THSD4: variants seen among roughly 807,000 people sequenced by gnomAD.
THSD4 encodes thrombospondin type 1 domain containing 4.
In THSD4, 69 loss-of-function variants were observed where a neutral mutation model predicts 119.0. The observed-to-expected ratio is 0.58, with a 90% CI of 0.48 to 0.71. The LOEUF is 0.71. THSD4 is among the 30% of genes least tolerant of loss of function. The pLI is 0.00. For synonymous variants in THSD4, 524 were observed against 540.4 expected (o/e 0.97, Z 0.42); for missense variants, 1,393 against 1,391.1 (o/e 1.00, Z -0.02).
At position 71,379,619 on chromosome 15, in the gene THSD4, C is replaced by T. The variant is rs563114699; in HGVS notation, c.1016-32068C>T. On this transcript the variant is annotated intron_variant, in intron 6 of 17. Transcript: ENST00000261862. Reference sequence around the variant, plus strand: ...GACTACAGGTGCCCACCACCATGCCCGGCTAATTTTTTGTATTTTTAGTAG... The same window carrying T: ...GACTACAGGTGCCCACCACCATGCCTGGCTAATTTTTTGTATTTTTAGTAG... Among the ~76,000 whole-genome samples the T allele has an allele frequency of 2.9e-3, 443 of 151,542 alleles. 2 individuals are homozygous for T. Among genetic ancestry groups the T allele is most frequent in the African/African-American group, 0.01 (418 of 41,388 alleles).
chr15:71,247,866 A>G (rs1436743469), intron 5 of THSD4, among the ~76,000 whole-genome samples: 1 of 152,232 alleles, frequency 6.6e-6, no homozygotes, highest in African/African-American at 2.4e-5. Context: ...ATTGAAGCCC[A>G]AGGCTTGATA....
intron 1 of THSD4, among the ~76,000 whole-genome samples, chr15:71,134,405 TAGCGCCTTC>T (rs1213444934): frequency 6.6e-6 from 1 of 152,332 alleles, no homozygotes; most frequent in Non-Finnish European, 1.5e-5. Flanking sequence ...TGCAGTGGCT[TAGCGCCTTC>T]AGCGCCTTCA....
chr15:71,644,773 T>G (rs2050934476), intron 7 of THSD4, among the ~76,000 whole-genome samples: 1 of 152,310 alleles, frequency 6.6e-6, no homozygotes, highest in African/African-American at 2.4e-5. Flanking sequence ...ATCAATCATG[T>G]CACCATTACC....
chr15:71,255,223 TCA>T (rs746920820), intron 5 of THSD4, among the ~76,000 whole-genome samples: 2 of 151,346 alleles, frequency 1.3e-5, no homozygotes, highest in East Asian at 1.9e-4. Context: ...TTCTGATTAT[TCA>T]CACACACACA....
intron 17 of THSD4, among the ~76,000 whole-genome samples, chr15:71,776,789 G>A (rs1330508547): frequency 1.3e-5 from 2 of 152,162 alleles, no homozygotes; most frequent in Middle Eastern, 3.2e-3. Flanking sequence ...TGAAAATATA[G>A]CATTCATCAA....
intron 3 of THSD4, among the ~76,000 whole-genome samples, chr15:71,211,145 T>G (rs1249562767): frequency 6.6e-6 from 1 of 152,240 alleles, no homozygotes; most frequent in Admixed American, 6.5e-5. Flanking sequence ...CTTTATAATA[T>G]TCGGCAGTCT....
intron 8 of THSD4, among the ~76,000 whole-genome samples, chr15:71,696,931 G>A (rs1195970288): frequency 3.3e-5 from 5 of 152,148 alleles, no homozygotes; most frequent in Non-Finnish European, 5.9e-5. Flanking sequence ...AATACAACAC[G>A]AGGTGTCCAG....
At chr15:71,313,979 T>A (rs887229738) in intron 6 of THSD4, among the ~76,000 whole-genome samples, 2 of 152,208 alleles carry the variant, frequency 1.3e-5, no homozygotes, top group Non-Finnish European at 2.9e-5. Context: ...ATACGGATGA[T>A]GAGGCATAGG....
chr15:71,674,899 C>T (rs1350979227), intron 8 of THSD4, among the ~76,000 whole-genome samples: 1 of 152,088 alleles, frequency 6.6e-6, no homozygotes, highest in Non-Finnish European at 1.5e-5. Context: ...AAGTAAGAAA[C>T]CCTGGCCTGT....
At position 71,777,248 on chromosome 15, in the gene THSD4, C is replaced by T; in HGVS notation, c.2931C>T (p.Asp977=). The change falls in exon 18 of 18, where the codon GAC becomes GAT. Residue 977 remains aspartate (D), a synonymous_variant. Coordinates refer to ENST00000261862, the MANE Select transcript of THSD4 (RefSeq NM_024817.3). The part of the protein sequence containing the change: ...CVPEVDENCK[D]KYYNCNVVVQ... Reference sequence around the variant, plus strand: ...TCGCTACAGATGAAAACTGCAAGGACAAGTACTACAACTGCAACGTGGTGG... The same window carrying T: ...TCGCTACAGATGAAAACTGCAAGGATAAGTACTACAACTGCAACGTGGTGG... 6.2e-7 allele frequency: 1 copy of T among 1,614,228 alleles called. No homozygotes were observed. The highest frequency in any genetic ancestry group is 8.5e-7 in the Non-Finnish European group (1 of 1,180,040).
At chr15:71,169,350 C>A (rs2043329469) in intron 3 of THSD4, among the ~76,000 whole-genome samples, 1 of 152,198 alleles carries the variant, frequency 6.6e-6, no homozygotes, top group Admixed American at 6.5e-5. Context: ...TGGTAAACCA[C>A]TTTGAAAAAC....
intron 8 of THSD4, among the ~76,000 whole-genome samples, chr15:71,691,283 C>T (rs528832139): frequency 1.6e-4 from 24 of 152,336 alleles, no homozygotes; most frequent in African/African-American, 5.8e-4. Flanking sequence ...TCCAGAACTG[C>T]AAGATAATAC....
intron 3 of THSD4, among the ~76,000 whole-genome samples, chr15:71,197,979 G>C (rs1198034118): frequency 2.0e-5 from 3 of 152,214 alleles, no homozygotes; most frequent in Non-Finnish European, 4.4e-5. Context: ...ATGCAGTCAG[G>C]CATGGTGGCT....
intron 14 of THSD4, among the ~76,000 whole-genome samples, chr15:71,750,279 C>A (rs571151821): frequency 2.6e-5 from 4 of 152,184 alleles, no homozygotes; most frequent in Non-Finnish European, 5.9e-5. Context: ...ATGCCCCATA[C>A]GGCCACATTG....
At chr15:71,423,294 C>G (rs1257269987) in intron 7 of THSD4, among the ~76,000 whole-genome samples, 1 of 152,150 alleles carries the variant, frequency 6.6e-6, no homozygotes, top group African/African-American at 2.4e-5. Flanking sequence ...TGGGAGTGCG[C>G]TCAGTCACAG....
chr15:71,600,981 A>G (rs573961789), intron 7 of THSD4, among the ~76,000 whole-genome samples: 40 of 152,270 alleles, frequency 2.6e-4, no homozygotes, highest in African/African-American at 8.7e-4. Flanking sequence ...TCCTGACCCC[A>G]GGTGATCCAC....
intron 6 of THSD4, among the ~76,000 whole-genome samples, chr15:71,265,554 CAGG>C (rs1235059543): frequency 6.6e-6 from 1 of 152,064 alleles, no homozygotes; most frequent in African/African-American, 2.4e-5. Context: ...AAGCTAGCTG[CAGG>C]AGTTTTTTTT....
At chr15:71,529,816 C>G (rs1048518967) in intron 7 of THSD4, among the ~76,000 whole-genome samples, 1 of 152,194 alleles carries the variant, frequency 6.6e-6, no homozygotes, top group Non-Finnish European at 1.5e-5. Context: ...ACTTAATCTA[C>G]AGGATTTGAG....
At chr15:71,344,042 T>C (rs2045619168) in intron 6 of THSD4, among the ~76,000 whole-genome samples, 1 of 146,582 alleles carries the variant, frequency 6.8e-6, no homozygotes, top group Non-Finnish European at 1.5e-5. Context: ...AGGATTCTTT[T>C]TTTTTTTTTT....
Sources: allele counts gnomAD v4.1 joint callset (sites outside exome capture counted in the v4.1 genomes callset), GRCh38; gene constraint gnomAD v4.1.1; transcripts MANE v1.5; gene names NCBI Gene and HGNC (gene_info 2026-07-23, HGNC 2026-07-21).